The following SCIN variants were observed in gnomAD, a reference collection of about 807,000 sequenced individuals.
SCIN encodes the protein scinderin.
A neutral mutation model predicts 91.8 loss-of-function variants in SCIN; 91 were observed. The ratio of observed to expected loss-of-function variants is 0.99; its 90% CI spans 0.84 to 1.18. The LOEUF (loss-of-function observed/expected upper bound fraction) is 1.18. SCIN is among the 50% of genes most tolerant of loss of function. SCIN has a pLI of 0.00. For missense variants in SCIN, 1,087 were observed against 863.9 expected, an observed-to-expected ratio of 1.26 and a Z score of -3.24; for synonymous variants, 367 against 312.6, an observed-to-expected ratio of 1.17 and a Z score of -1.84.
At chr7:12,593,534 A>T (rs1199866129) in intron 3 of SCIN, among the ~76,000 whole-genome samples, 2 of 152,154 alleles carry the variant, frequency 1.3e-5, no homozygotes, top group Admixed American at 6.5e-5. Flanking sequence ...AATAAATAAA[A>T]TTTTTTAAAG....
chr7:12,636,859 A>C (rs924751820), intron 10 of SCIN, among the ~76,000 whole-genome samples: 1 of 152,164 alleles, frequency 6.6e-6, no homozygotes, highest in Non-Finnish European at 1.5e-5. Flanking sequence ...TTTGATCACT[A>C]TACATTGTAT....
At chr7:12,571,303 T>G in intron 1 of SCIN, 1 of 412,686 alleles carries the variant, frequency 2.4e-6, no homozygotes, top group Non-Finnish European at 4.4e-6. Flanking sequence ...ACGCCACTCT[T>G]GTCCAGGGCC....
At position 12,644,702 on chromosome 7, in the gene SCIN, T is replaced by C. The variant is rs1335552206; in HGVS notation, c.1878T>C (p.Phe626=). 6 of 1,559,096 alleles carry C rather than the reference T, an allele frequency of 3.8e-6. No homozygotes were observed. Among genetic ancestry groups the C allele is most frequent in the Non-Finnish European group, 5.2e-6 (6 of 1,151,098 alleles). The change falls in exon 13 of 16, where the codon TTT becomes TTC. Residue 626 remains phenylalanine (F), a synonymous_variant. Coordinates refer to ENST00000297029, the MANE Select transcript of SCIN (RefSeq NM_001112706.3). ...GCTGCTCTAACAAAACTGGAAGATTTGTTGTAAGTGTCCTTAAAAATAGTG... is the reference window on the plus strand; with the variant it reads ...GCTGCTCTAACAAAACTGGAAGATTCGTTGTAAGTGTCCTTAAAAATAGTG... ...LYGCSNKTGR[F]VIEEIPGEFT... is the part of the protein sequence containing the mutation.
rs77892521 is a variant in SCIN at position 12,655,948 on chromosome 7, G to A, written c.*3233G>A. ...GCCTCATCTTTTCTCTCTGATTCAA[G>A]AAATTCATACTCAACTCAGTCAAAC... On this transcript the variant is annotated 3_prime_UTR_variant, in exon 16 of 16. Coordinates refer to ENST00000297029, the MANE Select transcript of SCIN (RefSeq NM_001112706.3). The A allele has an allele frequency of 2.0e-5, 3 of 152,114 alleles. No homozygotes were observed. The East Asian group carries it at 5.8e-4, about 29-fold the overall frequency. 9.4% of individuals were successfully genotyped at this position (152,114 alleles called of 1,614,324 possible). A position where few individuals can be genotyped will look rare whatever the true frequency, so the allele number is the denominator to read the frequency against.
At position 12,652,744 on chromosome 7, in the gene SCIN, T is replaced by G; in HGVS notation, c.*29T>G. On this transcript the variant is annotated 3_prime_UTR_variant, in exon 16 of 16. Coordinates refer to ENST00000297029, the MANE Select transcript of SCIN (RefSeq NM_001112706.3). ...GGTATTTGTAAAAAGCAAACAAACA[T>G]TACAAGGCAGTTATCTCATTGCTGT... is the stretch of plus-strand genomic sequence containing the variant. 6.3e-7 allele frequency: 1 copy of G among 1,590,356 alleles called. No individual in the cohort carries two copies. The highest frequency in any genetic ancestry group is 1.2e-5 in the South Asian group (1 of 86,796).
rs148343356 is a variant in SCIN at position 12,621,538 on chromosome 7, A to G, written c.667-1263A>G. ...CTATGGTCTTAGTTGGAGGAGAATT[A>G]GAAAAGTATATGTGAGGAGATCTTT... On this transcript the variant is annotated intron_variant, in intron 4 of 15. Transcript: ENST00000297029. Among the ~76,000 whole-genome samples, 7 of 152,210 alleles carry G rather than the reference A, an allele frequency of 4.6e-5. No homozygotes were observed. In the East Asian group the frequency reaches 9.6e-4, roughly 21 times the overall value.
intron 10 of SCIN, among the ~76,000 whole-genome samples, chr7:12,640,090 T>C (rs1306589862): frequency 1.3e-5 from 2 of 152,208 alleles, no homozygotes; most frequent in South Asian, 2.1e-4. Flanking sequence ...ACAGAAAGTA[T>C]TGGAGCATGG....
At chr7:12,620,852 G>A (rs575541526) in intron 4 of SCIN, among the ~76,000 whole-genome samples, 9 of 152,182 alleles carry the variant, frequency 5.9e-5, no homozygotes, top group African/African-American at 2.2e-4. Flanking sequence ...GAAAGTAATT[G>A]AAAGAGGAGC....
chr7:12,608,932 T>A (rs1328642113), intron 4 of SCIN, among the ~76,000 whole-genome samples: 5 of 152,222 alleles, frequency 3.3e-5, no homozygotes, highest in Non-Finnish European at 7.3e-5. Flanking sequence ...TACTCTGTAT[T>A]GAGTGCTGAA....
chr7:12,644,544 C>T, intron 12 of SCIN, 40 bp from the exon 13 acceptor site: 2 of 1,605,564 alleles, frequency 1.2e-6, no homozygotes, highest in Non-Finnish European at 1.7e-6. Context: ...AAGCATATGT[C>T]CCTGAAAATG....
At chr7:12,631,295 A>G (rs1194854750) in intron 9 of SCIN, among the ~76,000 whole-genome samples, 2 of 152,230 alleles carry the variant, frequency 1.3e-5, no homozygotes, top group Non-Finnish European at 2.9e-5. Flanking sequence ...CCGTGCCTTC[A>G]GGAGCTTATA....
At position 12,652,928 on chromosome 7, in the gene SCIN, C is replaced by T; in HGVS notation, c.*213C>T. ...GACCAGCCTGGCCAACATGGCGAAA[C>T]CTCGCCTCTACTAAAAATACAAAAA... On this transcript the variant is annotated 3_prime_UTR_variant, in exon 16 of 16. Transcript: ENST00000297029. The T allele has an allele frequency of 2.1e-6, 1 of 472,806 alleles. No individual in the cohort carries two copies. Among genetic ancestry groups the T allele is most frequent in the Non-Finnish European group, 3.6e-6 (1 of 274,484 alleles). The allele number at this position is 472,806 out of a possible 1,614,324, so 29.3% of individuals were successfully genotyped here. A position where few individuals can be genotyped will look rare whatever the true frequency, so the allele number is the denominator to read the frequency against.
chr7:12,587,106 G>A (rs76722815), intron 3 of SCIN, among the ~76,000 whole-genome samples: 12,184 of 152,178 alleles, frequency 0.08, 1,526 homozygotes, highest in African/African-American at 0.27. Context: ...GTACAAATAA[G>A]TGATAACTAT....
chr7:12,643,320 C>G (rs2691814), intron 11 of SCIN, among the ~76,000 whole-genome samples: 36,736 of 152,182 alleles, frequency 0.24, 5,019 homozygotes, highest in South Asian at 0.43. Context: ...TCACACCAGT[C>G]TGGGCACAGG....
intron 4 of SCIN, among the ~76,000 whole-genome samples, chr7:12,610,464 A>G (rs1212887536): frequency 6.6e-6 from 1 of 152,230 alleles, no homozygotes; most frequent in African/African-American, 2.4e-5. Context: ...CCTTGAGGGC[A>G]GGCACTGCCT....
At chr7:12,636,683 C>A (rs1005715266) in intron 10 of SCIN, among the ~76,000 whole-genome samples, 4 of 152,078 alleles carry the variant, frequency 2.6e-5, no homozygotes, top group African/African-American at 9.7e-5. Flanking sequence ...CAGACAGAGT[C>A]AGAGGGATGC....
chr7:12,608,175 T>A lies in SCIN; in HGVS notation c.666+3512T>A, dbSNP rs149809368. On this transcript the variant is annotated intron_variant, in intron 4 of 15. Coordinates refer to ENST00000297029, the MANE Select transcript of SCIN (RefSeq NM_001112706.3). ...CCAAACTTTAAAATATGTATTTTGATATTTTAATAGCTGCATTTCAATGTA... is the reference window on the plus strand; with the variant it reads ...CCAAACTTTAAAATATGTATTTTGAAATTTTAATAGCTGCATTTCAATGTA... Among the ~76,000 whole-genome samples, 388 of 152,336 alleles carry A rather than the reference T, an allele frequency of 2.5e-3. 3 individuals carry two copies. Among genetic ancestry groups the A allele is most frequent in the Non-Finnish European group, 4.7e-3 (322 of 68,032 alleles).
chr7:12,590,605 G>A (rs1279011258), intron 3 of SCIN, among the ~76,000 whole-genome samples: 3 of 152,074 alleles, frequency 2.0e-5, no homozygotes, highest in Non-Finnish European at 2.9e-5. Flanking sequence ...CTTTCTCGGT[G>A]GGAGAGTTCT....
chr7:12,604,054 A>T (rs548421392), intron 3 of SCIN, among the ~76,000 whole-genome samples: 1 of 152,180 alleles, frequency 6.6e-6, no homozygotes, highest in Non-Finnish European at 1.5e-5. Flanking sequence ...CCATTCCACA[A>T]TGTATACATA....
Sources: allele counts gnomAD v4.1 joint callset (sites outside exome capture counted in the v4.1 genomes callset), GRCh38; gene constraint gnomAD v4.1.1; transcripts MANE v1.5; gene names NCBI Gene and HGNC (gene_info 2026-07-23, HGNC 2026-07-21).